Variants in CRTAC1 observed in about 807,000 individuals in gnomAD.
The protein encoded by CRTAC1 is cartilage acidic protein 1, also known as acidic secreted protein in cartilage.
In CRTAC1, 37 loss-of-function variants were observed where a neutral mutation model predicts 67.8. The ratio of observed to expected loss-of-function variants is 0.55; its 90% CI spans 0.42 to 0.72. CRTAC1 has a LOEUF of 0.72. Ranked by LOEUF, CRTAC1 falls within the 30% of genes least tolerant of loss-of-function variation. The pLI is 0.00. For synonymous variants in CRTAC1, 348 were observed against 371.0 expected (o/e 0.94, Z 0.71); for missense variants, 780 against 931.6 (o/e 0.84, Z 2.12).
rs527574665 is a variant in CRTAC1 at position 97,927,766 on chromosome 10, C to T, written c.422-4366G>A. ...CTGGGCGACGGGAGAGATGGGAGCCCGTGATTTAGGAAGAGCAAACGCTCT... is the reference window on the plus strand; with the variant it reads ...CTGGGCGACGGGAGAGATGGGAGCCTGTGATTTAGGAAGAGCAAACGCTCT... On this transcript the variant is annotated intron_variant, in intron 3 of 14. Transcript: ENST00000370597. Among the ~76,000 whole-genome samples the T allele has an allele frequency of 1.8e-4, 27 of 152,320 alleles. No homozygotes were observed. In the South Asian group the frequency reaches 4.3e-3, roughly 25 times the overall value.
intron 8 of CRTAC1, among the ~76,000 whole-genome samples, chr10:97,897,554 C>A (rs538539844): frequency 6.6e-6 from 1 of 152,336 alleles, no homozygotes; most frequent in East Asian, 1.9e-4. Context: ...CAGTATCTAA[C>A]ACAGTGCTTG....
intron 2 of CRTAC1, among the ~76,000 whole-genome samples, chr10:97,949,844 G>T (rs2051323218): frequency 6.6e-6 from 1 of 152,244 alleles, no homozygotes; most frequent in Non-Finnish European, 1.5e-5. Flanking sequence ...GGGCTGTGCA[G>T]AGGATTAGGA....
intron 11 of CRTAC1, among the ~76,000 whole-genome samples, chr10:97,891,847 G>A (rs552275747): frequency 4.6e-5 from 7 of 152,334 alleles, no homozygotes; most frequent in South Asian, 4.1e-4. Context: ...GAACTGCCCC[G>A]CCTCTCGCTG....
chr10:97,882,832 T>C lies in CRTAC1; in HGVS notation c.1633-4A>G, dbSNP rs1338336513. 6.2e-7 allele frequency: 1 copy of C among 1,613,966 alleles called. No individual in the cohort carries two copies. The highest frequency in any genetic ancestry group is 8.5e-7 in the Non-Finnish European group (1 of 1,179,936). ...GCTGGGAGAATCCTTGGCCACACTG[T>C]AAGGTGGGCAGAAGCAGAGACATGA... On this transcript the variant is annotated splice_region_variant and splice_polypyrimidine_tract_variant and intron_variant, in intron 12 of 14. Coordinates refer to ENST00000370597, the MANE Select transcript of CRTAC1 (RefSeq NM_018058.7).
At chr10:97,967,121 A>G (rs187519478) in intron 2 of CRTAC1, among the ~76,000 whole-genome samples, 5 of 152,084 alleles carry the variant, frequency 3.3e-5, no homozygotes, top group Admixed American at 3.3e-4. Flanking sequence ...GAATTCTTCT[A>G]TCTGGGAGAT....
chr10:97,948,945 C>T, intron 2 of CRTAC1, among the ~76,000 whole-genome samples: 1 of 152,172 alleles, frequency 6.6e-6, no homozygotes, highest in East Asian at 1.9e-4. Context: ...CGTGAGAACT[C>T]ACTCGCTATC....
At chr10:97,883,355 A>C (rs937758018) in intron 12 of CRTAC1, among the ~76,000 whole-genome samples, 1 of 152,210 alleles carries the variant, frequency 6.6e-6, no homozygotes, top group African/African-American at 2.4e-5. Context: ...TGACTCAGAG[A>C]CTTAAGAGTT....
At chr10:97,964,058 C>T (rs75800201) in intron 2 of CRTAC1, among the ~76,000 whole-genome samples, 1,968 of 152,312 alleles carry the variant, frequency 0.013, 48 homozygotes, top group African/African-American at 0.044. Flanking sequence ...TGTGCTGTCC[C>T]CTCTTTCCAG....
At chr10:97,992,982 T>A (rs1842488852) in intron 2 of CRTAC1, among the ~76,000 whole-genome samples, 1 of 152,252 alleles carries the variant, frequency 6.6e-6, no homozygotes, top group African/African-American at 2.4e-5. Context: ...TTAATTAGCT[T>A]GATTTAGCCA....
intron 6 of CRTAC1, among the ~76,000 whole-genome samples, chr10:97,906,283 C>T (rs769703440): frequency 1.3e-5 from 2 of 152,300 alleles, no homozygotes; most frequent in South Asian, 2.1e-4. Flanking sequence ...CCAAACTCCT[C>T]GGCCCAAATG....
chr10:97,950,712 A>G (rs2051341617), intron 2 of CRTAC1, among the ~76,000 whole-genome samples: 1 of 152,238 alleles, frequency 6.6e-6, no homozygotes, highest in Non-Finnish European at 1.5e-5. Context: ...GAAAACAGAA[A>G]GGCCATTTTC....
At chr10:97,869,616 TC>T (rs2050069192) in intron 14 of CRTAC1, 1 of 152,250 alleles carries the variant, frequency 6.6e-6, no homozygotes, top group Non-Finnish European at 1.5e-5. Context: ...TTACAGAAGC[TC>T]GAGGTGCCAC....
intron 14 of CRTAC1, among the ~76,000 whole-genome samples, chr10:97,872,643 G>A (rs1430565186): frequency 1.3e-5 from 2 of 152,224 alleles, no homozygotes; most frequent in African/African-American, 4.8e-5. Flanking sequence ...GGCTGGATAA[G>A]TGGATGGATA....
intron 2 of CRTAC1, among the ~76,000 whole-genome samples, chr10:98,002,355 A>T (rs949284794): frequency 6.6e-6 from 1 of 152,282 alleles, no homozygotes; most frequent in Admixed American, 6.5e-5. Context: ...ATCCTTTTTT[A>T]AAAATAAATT....
intron 2 of CRTAC1, among the ~76,000 whole-genome samples, chr10:97,982,824 A>G (rs1309610109): frequency 1.3e-5 from 2 of 152,280 alleles, no homozygotes; most frequent in Non-Finnish European, 2.9e-5. Context: ...GACCTGACAC[A>G]GACCACTAAG....
chr10:97,871,431 T>C (rs530623582), intron 14 of CRTAC1: 3 of 152,308 alleles, frequency 2.0e-5, no homozygotes, highest in African/African-American at 7.2e-5. Flanking sequence ...ATGTAAGATA[T>C]TGTTATTGCA....
At chr10:97,957,208 C>T (rs1284999490) in intron 2 of CRTAC1, among the ~76,000 whole-genome samples, 1 of 152,114 alleles carries the variant, frequency 6.6e-6, no homozygotes, top group East Asian at 1.9e-4. Context: ...CTGGCATTGG[C>T]AGTCTCTCTG....
At chr10:97,964,544 C>G (rs1428279558) in intron 2 of CRTAC1, among the ~76,000 whole-genome samples, 2 of 152,146 alleles carry the variant, frequency 1.3e-5, no homozygotes, top group African/African-American at 4.8e-5. Context: ...AGATGTGGCA[C>G]CAGCTGTTGG....
At chr10:97,896,007 C>T (rs750578235) in intron 9 of CRTAC1, 22 bp from the exon 10 acceptor site, 7 of 1,605,118 alleles carry the variant, frequency 4.4e-6, no homozygotes, top group African/African-American at 1.3e-5. Context: ...GCAGATTTCA[C>T]CTCTGGCCGT....
Sources: allele counts gnomAD v4.1 joint callset (sites outside exome capture counted in the v4.1 genomes callset), GRCh38; gene constraint gnomAD v4.1.1; transcripts MANE v1.5; gene names NCBI Gene and HGNC (gene_info 2026-07-23, HGNC 2026-07-21).